PDE1A: variants seen among roughly 807,000 people sequenced by gnomAD.
PDE1A encodes dual specificity calcium/calmodulin-dependent 3',5'-cyclic nucleotide phosphodiesterase 1A.
In PDE1A, 35 loss-of-function variants were observed where a neutral mutation model predicts 61.7. The observed-to-expected ratio is 0.57, with a 90% CI of 0.43 to 0.75. The LOEUF (loss-of-function observed/expected upper bound fraction) is 0.75. PDE1A is among the 30% of genes least tolerant of loss of function. PDE1A has a pLI of 0.00. For synonymous variants in PDE1A, 232 were observed against 213.2 expected (o/e 1.09, Z -0.77); for missense variants, 597 against 630.6 (o/e 0.95, Z 0.57).
chr2:182,624,695 T>C, the PDE1A span, among the ~76,000 whole-genome samples: 1 of 152,196 alleles, frequency 6.6e-6, no homozygotes, highest in Non-Finnish European at 1.5e-5. Flanking sequence ...AGCAGCTGAT[T>C]ATTAAGTCTA....
the PDE1A span, among the ~76,000 whole-genome samples, chr2:182,660,006 C>T: frequency 4.6e-5 from 7 of 152,134 alleles, no homozygotes; most frequent in African/African-American, 1.2e-4. Flanking sequence ...TAAAACTTTA[C>T]AATAAGTTAC....
intron 1 of PDE1A, among the ~76,000 whole-genome samples, chr2:182,270,442 A>G (rs1270220963): frequency 8.5e-5 from 13 of 152,082 alleles, no homozygotes; most frequent in Non-Finnish European, 2.9e-5. Context: ...GACCACCTAC[A>G]TAAGTAACAA....
upstream of PDE1A, among the ~76,000 whole-genome samples, chr2:182,429,727 G>A (rs919311097): frequency 6.6e-6 from 1 of 152,060 alleles, no homozygotes; most frequent in African/African-American, 2.4e-5. Flanking sequence ...TACCCTAAGA[G>A]TGTCATGGTA....
At chr2:182,499,184 T>TTTTGTTTG (rs1688934553) in intron 2 of PDE1A, among the ~76,000 whole-genome samples, 1 of 136,076 alleles carries the variant, frequency 7.3e-6, no homozygotes, top group African/African-American at 2.8e-5. Context: ...TTTTTTTTTT[T>TTTTGTTTG]TTTTTTTTTT....
At chr2:182,604,977 A>C in the PDE1A span, among the ~76,000 whole-genome samples, 1 of 151,902 alleles carries the variant, frequency 6.6e-6, no homozygotes, top group African/African-American at 2.4e-5. Flanking sequence ...TTAAAGTGTG[A>C]CTTAGTGGCC....
the PDE1A span, among the ~76,000 whole-genome samples, chr2:182,557,775 C>A: frequency 1.3e-5 from 2 of 151,872 alleles, no homozygotes; most frequent in South Asian, 4.2e-4. Flanking sequence ...TGTCTCCATG[C>A]ACAGAAGAAT....
At chr2:182,657,547 TC>T in the PDE1A span, among the ~76,000 whole-genome samples, 1 of 152,208 alleles carries the variant, frequency 6.6e-6, no homozygotes, top group Non-Finnish European at 1.5e-5. Context: ...CTTTCACTAA[TC>T]CATGCCCATC....
chr2:182,697,816 G>A, the PDE1A span, among the ~76,000 whole-genome samples: 2 of 152,206 alleles, frequency 1.3e-5, no homozygotes, highest in Non-Finnish European at 2.9e-5. Flanking sequence ...CTAAGACACT[G>A]GGCGCTGTAT....
intron 2 of PDE1A, among the ~76,000 whole-genome samples, chr2:182,454,225 C>CTCTT (rs1160822217): frequency 6.6e-6 from 1 of 152,062 alleles, no homozygotes; most frequent in Non-Finnish European, 1.5e-5. Flanking sequence ...TGTGAAGGAC[C>CTCTT]TCTTCAAGGA....
chr2:182,631,867 C>T, the PDE1A span, among the ~76,000 whole-genome samples: 1 of 152,198 alleles, frequency 6.6e-6, no homozygotes, highest in Non-Finnish European at 1.5e-5. Flanking sequence ...GTAAGTGGAA[C>T]TCAGAGTCCA....
intron 10 of PDE1A, among the ~76,000 whole-genome samples, chr2:182,193,433 G>A (rs1053721836): frequency 6.6e-6 from 1 of 152,036 alleles, no homozygotes; most frequent in African/African-American, 2.4e-5. Flanking sequence ...CAGGGACAGG[G>A]GCTTAGGAGA....
At chr2:182,673,797 G>C in the PDE1A span, among the ~76,000 whole-genome samples, 3 of 151,238 alleles carry the variant, frequency 2.0e-5, no homozygotes, top group African/African-American at 7.3e-5. Context: ...ACTATAATAG[G>C]AAACCTTAAG....
At chr2:182,418,474 C>T (rs566655577) in intron 1 of PDE1A, among the ~76,000 whole-genome samples, 3 of 152,144 alleles carry the variant, frequency 2.0e-5, no homozygotes, top group Non-Finnish European at 4.4e-5. Context: ...GACTACACTG[C>T]TTCATTCATA....
At chr2:182,197,344 A>T (rs1204931543) in intron 10 of PDE1A, among the ~76,000 whole-genome samples, 1 of 146,948 alleles carries the variant, frequency 6.8e-6, no homozygotes, top group Non-Finnish European at 1.5e-5. Flanking sequence ...ATTTTCTCTC[A>T]GTCTATGGTT....
At chr2:182,502,022 C>T (rs909017486) in intron 2 of PDE1A, among the ~76,000 whole-genome samples, 1 of 152,148 alleles carries the variant, frequency 6.6e-6, no homozygotes, top group African/African-American at 2.4e-5. Context: ...AAATACGACA[C>T]CGCTGGCAGG....
intron 2 of PDE1A, among the ~76,000 whole-genome samples, chr2:182,454,156 C>G (rs1386868085): frequency 3.9e-5 from 6 of 152,130 alleles, no homozygotes; most frequent in Non-Finnish European, 8.8e-5. Flanking sequence ...CATGAGTGAA[C>G]TCCCAGTCAG....
chr2:182,382,037 C>A (rs866705967), intron 1 of PDE1A, among the ~76,000 whole-genome samples: 63 of 152,010 alleles, frequency 4.1e-4, no homozygotes, highest in African/African-American at 1.5e-3. Context: ...TGACAATAAA[C>A]AAATACATAC....
At chr2:182,464,610 T>C (rs943507119) in intron 2 of PDE1A, among the ~76,000 whole-genome samples, 4 of 151,980 alleles carry the variant, frequency 2.6e-5, no homozygotes, top group African/African-American at 9.7e-5. Context: ...ATAATAATAA[T>C]AACAGATTTA....
intron 2 of PDE1A, among the ~76,000 whole-genome samples, chr2:182,494,175 T>C (rs2125892844): frequency 6.6e-6 from 1 of 152,286 alleles, no homozygotes; most frequent in Non-Finnish European, 1.5e-5. Flanking sequence ...TGAATGGTCT[T>C]TACTGGGATG....
Sources: gnomAD v4.1 joint callset for allele counts (sites outside exome capture counted in the v4.1 genomes callset) on GRCh38, gnomAD v4.1.1 for gene constraint, MANE v1.5 for transcripts, NCBI Gene and HGNC (gene_info 2026-07-23, HGNC 2026-07-21) for gene names.